The following ZFAND3 variants were observed in gnomAD, a reference collection of about 807,000 sequenced individuals.
The protein encoded by ZFAND3 is AN1-type zinc finger protein 3.
ZFAND3 carries 10 observed loss-of-function variants against 29.6 expected under a neutral mutation model. The ratio of observed to expected loss-of-function variants is 0.34; its 90% CI spans 0.21 to 0.57. ZFAND3 has a LOEUF of 0.57. ZFAND3 is among the 20% of genes least tolerant of loss of function. The pLI, the probability that ZFAND3 is intolerant of heterozygous loss-of-function variation, is 0.86. For synonymous variants in ZFAND3, 128 were observed against 112.6 expected (o/e 1.14, Z -0.87); for missense variants, 230 against 304.5 (o/e 0.76, Z 1.82).
chr6:37,967,557 C>T (rs919505074), intron 2 of ZFAND3, among the ~76,000 whole-genome samples: 12 of 152,138 alleles, frequency 7.9e-5, no homozygotes, highest in African/African-American at 2.9e-4. Flanking sequence ...TCAGTGGATA[C>T]TTTTACATTT....
chr6:38,095,826 A>G (rs1764966004), intron 4 of ZFAND3, among the ~76,000 whole-genome samples: 1 of 152,094 alleles, frequency 6.6e-6, no homozygotes, highest in South Asian at 2.1e-4. Flanking sequence ...GAGCCCAGGA[A>G]TTGGAGACCA....
At chr6:37,896,554 C>CTTTCTTTCGTTCT (rs1765214313) in intron 1 of ZFAND3, among the ~76,000 whole-genome samples, 1 of 137,698 alleles carries the variant, frequency 7.3e-6, no homozygotes, top group African/African-American at 2.8e-5. Context: ...TTCTTTCTTT[C>CTTTCTTTCGTTCT]TTTCTTTCTT....
At chr6:38,076,726 C>G (rs946425254) in intron 3 of ZFAND3, among the ~76,000 whole-genome samples, 2 of 152,154 alleles carry the variant, frequency 1.3e-5, no homozygotes, top group Non-Finnish European at 2.9e-5. Flanking sequence ...AACTTAGATT[C>G]CAACTCACTA....
At chr6:37,858,571 A>G (rs764397405) in intron 1 of ZFAND3, among the ~76,000 whole-genome samples, 2 of 152,214 alleles carry the variant, frequency 1.3e-5, no homozygotes, top group East Asian at 3.8e-4. Flanking sequence ...GCAAATATAT[A>G]ACAAAAGACT....
At chr6:37,891,580 C>CTAAA (rs1225414471) in intron 1 of ZFAND3, among the ~76,000 whole-genome samples, 1 of 139,768 alleles carries the variant, frequency 7.2e-6, no homozygotes. Flanking sequence ...CCAGCCTGGG[C>CTAAA]TAAATAAATA....
At chr6:37,847,725 C>A (rs750795964) in intron 1 of ZFAND3, among the ~76,000 whole-genome samples, 31 of 152,032 alleles carry the variant, frequency 2.0e-4, no homozygotes, top group Admixed American at 1.4e-3. Context: ...GGGAATAGGT[C>A]AGTAAACTGC....
chr6:38,051,823 G>A (rs1045484552), intron 2 of ZFAND3, among the ~76,000 whole-genome samples: 6 of 152,198 alleles, frequency 3.9e-5, no homozygotes, highest in African/African-American at 1.4e-4. Flanking sequence ...TGAGGTAAAT[G>A]TACATGTTAT....
intron 1 of ZFAND3, among the ~76,000 whole-genome samples, chr6:37,820,662 A>G (rs1763649740): frequency 6.6e-6 from 1 of 152,202 alleles, no homozygotes; most frequent in African/African-American, 2.4e-5. Context: ...TCAAAAAGGA[A>G]GAAAAAAACC....
intron 1 of ZFAND3, among the ~76,000 whole-genome samples, chr6:37,824,585 GGAATT>G (rs1763726069): frequency 6.6e-6 from 1 of 152,078 alleles, no homozygotes; most frequent in South Asian, 2.1e-4. Flanking sequence ...GGAAACCTTG[GGAATT>G]ACTATTTTGT....
intron 1 of ZFAND3, among the ~76,000 whole-genome samples, chr6:37,859,099 A>G (rs932306481): frequency 1.3e-5 from 2 of 152,244 alleles, no homozygotes; most frequent in African/African-American, 2.4e-5. Flanking sequence ...TTGATTTTGG[A>G]GCCAGAAAGC....
At chr6:37,861,866 A>T (rs1420316763) in intron 1 of ZFAND3, among the ~76,000 whole-genome samples, 2 of 152,206 alleles carry the variant, frequency 1.3e-5, no homozygotes, top group African/African-American at 4.8e-5. Context: ...AGAGCCTTGT[A>T]AGCTTATTGA....
intron 1 of ZFAND3, among the ~76,000 whole-genome samples, chr6:37,868,599 C>T (rs2127387028): frequency 6.6e-6 from 1 of 152,144 alleles, no homozygotes; most frequent in East Asian, 1.9e-4. Flanking sequence ...AAAAACCAAG[C>T]CAAAGAGTTT....
chr6:37,868,373 G>A (rs950138768), intron 1 of ZFAND3, among the ~76,000 whole-genome samples: 3 of 152,162 alleles, frequency 2.0e-5, no homozygotes, highest in Non-Finnish European at 4.4e-5. Flanking sequence ...AAAACTTTCA[G>A]AGAAACTGGA....
At chr6:37,822,587 T>G (rs776868056) in intron 1 of ZFAND3, among the ~76,000 whole-genome samples, 14 of 152,152 alleles carry the variant, frequency 9.2e-5, no homozygotes, top group Non-Finnish European at 2.1e-4. Context: ...GGCCCCATAC[T>G]CTGGGGCAGG....
intron 1 of ZFAND3, among the ~76,000 whole-genome samples, chr6:37,924,421 G>A (rs77522971): frequency 0.064 from 9,705 of 151,706 alleles, 430 homozygotes; most frequent in Non-Finnish European, 0.093. Context: ...GTGACCAAAG[G>A]AGTCTTTGCT....
At chr6:37,903,506 C>T (rs1765355773) in intron 1 of ZFAND3, among the ~76,000 whole-genome samples, 1 of 152,180 alleles carries the variant, frequency 6.6e-6, no homozygotes, top group African/African-American at 2.4e-5. Context: ...ACTGTATCAC[C>T]TTTCTTGCTA....
intron 2 of ZFAND3, among the ~76,000 whole-genome samples, chr6:38,025,367 T>C (rs182263009): frequency 1.3e-4 from 20 of 152,326 alleles, no homozygotes; most frequent in African/African-American, 4.1e-4. Flanking sequence ...CCCCCCTTTT[T>C]TAGGAGGCAC....
intron 5 of ZFAND3, among the ~76,000 whole-genome samples, chr6:38,125,050 G>GA (rs560034833): frequency 1.3e-5 from 2 of 151,972 alleles, no homozygotes; most frequent in Non-Finnish European, 2.9e-5. Flanking sequence ...CCCCCAAAAG[G>GA]AAAAAAAGTT....
intron 2 of ZFAND3, among the ~76,000 whole-genome samples, chr6:38,058,174 C>T (rs557157645): frequency 2.0e-5 from 3 of 152,274 alleles, no homozygotes; most frequent in African/African-American, 7.2e-5. Context: ...CCTTCACCTT[C>T]AAAGGCTTAT....
Sources: gnomAD v4.1 joint callset for allele counts (sites outside exome capture counted in the v4.1 genomes callset) on GRCh38, gnomAD v4.1.1 for gene constraint, MANE v1.5 for transcripts, NCBI Gene and HGNC (gene_info 2026-07-23, HGNC 2026-07-21) for gene names.